BBS9: variants seen among roughly 807,000 people sequenced by gnomAD.
The protein encoded by BBS9 is protein PTHB1.
A neutral mutation model predicts 117.7 loss-of-function variants in BBS9; 89 were observed. The ratio of observed to expected loss-of-function variants is 0.76; its 90% CI spans 0.64 to 0.90. The LOEUF is 0.90. BBS9 is among the 40% of genes least tolerant of loss of function. The pLI, the probability that BBS9 is intolerant of heterozygous loss-of-function variation, is 0.00. For synonymous variants in BBS9, 379 were observed against 370.9 expected (o/e 1.02, Z -0.25); for missense variants, 982 against 1,042.2 (o/e 0.94, Z 0.80).
At chr7:33,144,325 T>G (rs552843331) in intron 1 of BBS9, among the ~76,000 whole-genome samples, 1 of 152,362 alleles carries the variant, frequency 6.6e-6, no homozygotes, top group Non-Finnish European at 1.5e-5. Context: ...TTGGTCTACA[T>G]TTTAAAAAAG....
intron 1 of BBS9, among the ~76,000 whole-genome samples, chr7:33,136,993 A>G (rs912079435): frequency 6.6e-6 from 1 of 151,794 alleles, no homozygotes; most frequent in African/African-American, 2.4e-5. Flanking sequence ...CAATTTCTTT[A>G]TTTATTATGG....
intron 5 of BBS9, among the ~76,000 whole-genome samples, chr7:33,247,374 A>G (rs1157812918): frequency 6.6e-6 from 1 of 152,124 alleles, no homozygotes; most frequent in Non-Finnish European, 1.5e-5. Flanking sequence ...GGATGCAGCA[A>G]ACTTGTCCTC....
At chr7:33,221,245 T>C (rs971027352) in intron 5 of BBS9, among the ~76,000 whole-genome samples, 1 of 152,224 alleles carries the variant, frequency 6.6e-6, no homozygotes, top group African/African-American at 2.4e-5. Flanking sequence ...AACATTTCTT[T>C]CTTGAGATCA....
Position 33,519,244 on chromosome 7 carries a change from T to A in BBS9, c.2298+13599T>A, listed in dbSNP as rs531259718. 1.4e-3 allele frequency among the ~76,000 whole-genome samples: 209 copies of A among 152,334 alleles called. 1 individual carries two copies. Among genetic ancestry groups the A allele is most frequent in the Non-Finnish European group, 2.5e-3 (167 of 68,028 alleles). ...AGGAGAGGAGTTGGTACCTTTAGCT[T>A]ACTCACATGGTTCTTCTCTTGTCCT... On this transcript the variant is annotated intron_variant, in intron 20 of 22. Transcript: ENST00000242067.
At chr7:33,549,693 G>A (rs1271263613) in intron 21 of BBS9, among the ~76,000 whole-genome samples, 1 of 151,744 alleles carries the variant, frequency 6.6e-6, no homozygotes, top group Non-Finnish European at 1.5e-5. Context: ...ATCATCACTG[G>A]CCATCAGAGA....
chr7:33,496,275 G>T (rs1844696542), intron 19 of BBS9, among the ~76,000 whole-genome samples: 1 of 152,138 alleles, frequency 6.6e-6, no homozygotes, highest in Non-Finnish European at 1.5e-5. Context: ...AGAGGCCGAG[G>T]TGGGCAGATC....
rs1790806801 is a variant in BBS9, at chr7:33,138,018, C to T, written c.-12+7977C>T. 2.6e-5 allele frequency among the ~76,000 whole-genome samples: 4 copies of T among 152,294 alleles called. No homozygotes were observed. The South Asian group carries it at 8.3e-4, about 32-fold the overall frequency. On this transcript the variant is annotated intron_variant, in intron 1 of 22. Coordinates refer to ENST00000242067, the MANE Select transcript of BBS9 (RefSeq NM_198428.3). ...ATAGGTTTAAAAATTAGCCCTTCCT[C>T]CACAGTCTTTAAAGATTAAAATAAA... is the stretch of plus-strand genomic sequence containing the variant.
chr7:33,320,740 TC>T (rs1247510990), intron 9 of BBS9, among the ~76,000 whole-genome samples: 2 of 152,158 alleles, frequency 1.3e-5, no homozygotes, highest in African/African-American at 4.8e-5. Flanking sequence ...CTCCATATTT[TC>T]CTCAGCATTT....
At chr7:33,412,698 A>G (rs1468172940) in intron 19 of BBS9, among the ~76,000 whole-genome samples, 3 of 152,230 alleles carry the variant, frequency 2.0e-5, no homozygotes, top group Admixed American at 1.3e-4. Context: ...GAAGAAGAAT[A>G]GGTCTCATCA....
intron 9 of BBS9, among the ~76,000 whole-genome samples, chr7:33,307,846 C>T (rs959899977): frequency 1.3e-5 from 2 of 150,602 alleles, no homozygotes; most frequent in Non-Finnish European, 2.9e-5. Context: ...ATATAGAGGG[C>T]TGATGGTATT....
chr7:33,140,230 T>C (rs1255434866), intron 1 of BBS9, among the ~76,000 whole-genome samples: 2 of 152,168 alleles, frequency 1.3e-5, no homozygotes, highest in African/African-American at 2.4e-5. Flanking sequence ...TTCACCGTGT[T>C]AGCCAGGATG....
intron 9 of BBS9, among the ~76,000 whole-genome samples, chr7:33,306,011 A>T (rs1382442342): frequency 6.6e-6 from 1 of 151,694 alleles, no homozygotes; most frequent in Middle Eastern, 3.4e-3. Context: ...AGGTTTTTCT[A>T]CTTTTTTGAT....
chr7:33,602,970 C>G (rs1864024919), intron 21 of BBS9, among the ~76,000 whole-genome samples: 1 of 152,104 alleles, frequency 6.6e-6, no homozygotes, highest in African/African-American at 2.4e-5. Flanking sequence ...CCTTTTGAGC[C>G]CACGTGATAG....
chr7:33,344,690 A>T, intron 12 of BBS9, 56 bp downstream of exon 12: 1 of 1,522,882 alleles, frequency 6.6e-7, no homozygotes, highest in Non-Finnish European at 9.1e-7. Flanking sequence ...ATTTCATTAC[A>T]TCTGTCACTG....
chr7:33,561,262 T>C (rs1336801537), intron 21 of BBS9, among the ~76,000 whole-genome samples: 3 of 152,128 alleles, frequency 2.0e-5, no homozygotes, highest in Non-Finnish European at 2.9e-5. Flanking sequence ...CCAATATTCT[T>C]CTCTCTCCGC....
Position 33,623,552 on chromosome 7 carries a change from A to G in BBS9, c.2522-11625A>G, listed in dbSNP as rs536787522. ...GTATAACTTAGAGAAAATCTTGCCCAATAGGAATTTTGAGAATGCTCATAA... is the reference window on the plus strand; with the variant it reads ...GTATAACTTAGAGAAAATCTTGCCCGATAGGAATTTTGAGAATGCTCATAA... On this transcript the variant is annotated intron_variant, in intron 21 of 21. Coordinates refer to the BBS9 transcript ENST00000671952. Among the ~76,000 whole-genome samples, 5 of 152,008 alleles carry G rather than the reference A, an allele frequency of 3.3e-5. No homozygotes were observed. The South Asian group carries it at 1.0e-3, about 32-fold the overall frequency.
At chr7:33,362,560 A>G (rs1820820830) in intron 16 of BBS9, among the ~76,000 whole-genome samples, 1 of 152,164 alleles carries the variant, frequency 6.6e-6, no homozygotes, top group South Asian at 2.1e-4. Flanking sequence ...GTTGAAAATC[A>G]TCTGACCACA....
downstream of BBS9, among the ~76,000 whole-genome samples, chr7:33,606,834 G>T (rs1168206756): frequency 6.6e-6 from 1 of 151,872 alleles, no homozygotes; most frequent in African/African-American, 2.4e-5. Context: ...CTATTTTCTG[G>T]CCCTTTATTA....
intron 17 of BBS9, among the ~76,000 whole-genome samples, chr7:33,382,459 CAAA>C (rs113930733): frequency 0.13 from 16,301 of 122,666 alleles, 882 homozygotes; most frequent in Non-Finnish European, 0.17. Context: ...GACCCTGTCT[CAAA>C]AAAAAAAAAA....
Sources: gnomAD v4.1 joint callset for allele counts (sites outside exome capture counted in the v4.1 genomes callset) on GRCh38, gnomAD v4.1.1 for gene constraint, MANE v1.5 for transcripts, NCBI Gene and HGNC (gene_info 2026-07-23, HGNC 2026-07-21) for gene names.